Variants in MSRB2 observed in about 807,000 individuals in gnomAD.
The protein encoded by MSRB2 is methionine-R-sulfoxide reductase B2, mitochondrial.
In MSRB2, 17 loss-of-function variants were observed where a neutral mutation model predicts 19.0. That is an observed-to-expected ratio of 0.89 (90% CI 0.61 to 1.34). The LOEUF (loss-of-function observed/expected upper bound fraction) is 1.34. Among genes scored for constraint, MSRB2 ranks in the 40% most tolerant of loss-of-function variants. The pLI is 0.00. For synonymous variants in MSRB2, 107 were observed against 99.7 expected (o/e 1.07, Z -0.44); for missense variants, 208 against 237.6 (o/e 0.88, Z 0.82).
chr10:23,105,240 G>GTGTT (rs1229772708), intron 2 of MSRB2, among the ~76,000 whole-genome samples: 18 of 148,640 alleles, frequency 1.2e-4, no homozygotes, highest in Non-Finnish European at 1.5e-5. Flanking sequence ...GTGTGTGTGT[G>GTGTT]TGTATACAAG....
intron 3 of MSRB2, chr10:23,119,099 C>G: frequency 1.5e-6 from 1 of 685,010 alleles, no homozygotes; most frequent in Non-Finnish European, 2.7e-6. Context: ...TCAAGAAGTC[C>G]TTCCACTTCG....
At chr10:23,095,994 G>A (rs961794500) in intron 1 of MSRB2, among the ~76,000 whole-genome samples, 3 of 151,690 alleles carry the variant, frequency 2.0e-5, no homozygotes, top group Admixed American at 6.6e-5. Context: ...TTTTTTCTTG[G>A]CTCGGGGAGT....
intron 3 of MSRB2, among the ~76,000 whole-genome samples, chr10:23,117,813 A>T (rs1840129275): frequency 6.6e-6 from 1 of 152,044 alleles, no homozygotes; most frequent in South Asian, 2.1e-4. Context: ...CTGGTCTCGA[A>T]CTCCTGAGCT....
chr10:23,108,197 A>C (rs2131627325), intron 2 of MSRB2, among the ~76,000 whole-genome samples: 1 of 152,124 alleles, frequency 6.6e-6, no homozygotes, highest in Non-Finnish European at 1.5e-5. Flanking sequence ...ACCTCAGGTG[A>C]TCCACCCGCC....
At chr10:23,106,813 G>C (rs1839991910) in intron 2 of MSRB2, among the ~76,000 whole-genome samples, 1 of 152,212 alleles carries the variant, frequency 6.6e-6, no homozygotes, top group Admixed American at 6.5e-5. Context: ...CTCACTTGTG[G>C]ATTTCCATTG....
intron 2 of MSRB2, among the ~76,000 whole-genome samples, chr10:23,107,329 C>T (rs1839995692): frequency 6.6e-6 from 1 of 152,252 alleles, no homozygotes; most frequent in African/African-American, 2.4e-5. Flanking sequence ...CCTGGTCTCA[C>T]CTGCCTTCCG....
intron 1 of MSRB2, among the ~76,000 whole-genome samples, chr10:23,103,718 GT>G (rs1839953091): frequency 6.6e-6 from 1 of 152,166 alleles, no homozygotes; most frequent in African/African-American, 2.4e-5. Flanking sequence ...AGGGAGAAGA[GT>G]TTAATAACCG....
intron 2 of MSRB2, among the ~76,000 whole-genome samples, chr10:23,109,143 G>T (rs1396167931): frequency 6.6e-6 from 1 of 152,278 alleles, no homozygotes; most frequent in Non-Finnish European, 1.5e-5. Context: ...AGTGCCTGCC[G>T]CCAGGCCCTG....
intron 2 of MSRB2, among the ~76,000 whole-genome samples, chr10:23,107,668 G>A (rs1839998278): frequency 6.6e-6 from 1 of 152,152 alleles, no homozygotes; most frequent in African/African-American, 2.4e-5. Flanking sequence ...TCACCACATG[G>A]TATAAATTGT....
intron 3 of MSRB2, among the ~76,000 whole-genome samples, chr10:23,118,681 C>T (rs933927469): frequency 5.3e-5 from 8 of 152,178 alleles, no homozygotes; most frequent in Non-Finnish European, 1.0e-4. Flanking sequence ...CCGTGCTAAG[C>T]TTTATGTCAC....
chr10:23,117,046 T>C (rs1188783298), intron 3 of MSRB2, among the ~76,000 whole-genome samples: 1 of 152,242 alleles, frequency 6.6e-6, no homozygotes, highest in Non-Finnish European at 1.5e-5. Flanking sequence ...AAGGTTTTTC[T>C]GGAGTCCTCT....
At chr10:23,104,056 G>T in intron 1 of MSRB2, 88 bp from the exon 2 acceptor site, 1 of 993,382 alleles carries the variant, frequency 1.0e-6, no homozygotes. Context: ...TCTGCTGGGT[G>T]ACAGTACACT....
At chr10:23,108,527 G>T (rs993171165) in intron 2 of MSRB2, among the ~76,000 whole-genome samples, 2 of 148,414 alleles carry the variant, frequency 1.3e-5, no homozygotes. Flanking sequence ...CCAGGCTGGA[G>T]TGCAGTGGCA....
intron 3 of MSRB2, among the ~76,000 whole-genome samples, chr10:23,113,485 G>C (rs1374637170): frequency 6.6e-6 from 1 of 151,682 alleles, no homozygotes. Flanking sequence ...ATTTTATTTA[G>C]TTAAGGAGAT....
Position 23,119,441 on chromosome 10 carries a change from T to C in MSRB2, c.434T>C (p.Val145Ala). 1 of 1,613,288 alleles carries C rather than the reference T, an allele frequency of 6.2e-7. No individual in the cohort carries two copies. The highest frequency in any genetic ancestry group is 8.5e-7 in the Non-Finnish European group (1 of 1,179,448). The change falls in exon 4 of 5, where the codon GTC becomes GCC. Residue 145 changes from valine (V) to alanine (A), a missense_variant. By Grantham distance (64) the Val-to-Ala change is moderately conservative. Transcript: ENST00000376510. ...TTAGGATCAGCTCGCACAGAGGTTG[T>C]CTGCAAGCAGGTGAGGTTTCTCATT... ...TSLGSARTEV[V>A]CKQCEAHLGH...
intron 1 of MSRB2, among the ~76,000 whole-genome samples, chr10:23,097,530 C>A (rs1380597646): frequency 6.6e-6 from 1 of 152,172 alleles, no homozygotes; most frequent in Non-Finnish European, 1.5e-5. Flanking sequence ...ATGATCTAAT[C>A]TAAAACTAAT....
At chr10:23,097,364 C>T (rs1839880328) in intron 1 of MSRB2, among the ~76,000 whole-genome samples, 1 of 152,228 alleles carries the variant, frequency 6.6e-6, no homozygotes, top group Non-Finnish European at 1.5e-5. Flanking sequence ...CATTTTCTCA[C>T]AGTTCTGGAG....
chr10:23,102,147 GAC>G (rs1001346642), intron 1 of MSRB2, among the ~76,000 whole-genome samples: 19 of 152,216 alleles, frequency 1.2e-4, no homozygotes, highest in African/African-American at 4.3e-4. Context: ...CCAACACTGA[GAC>G]ACACACGCGC....
chr10:23,100,803 A>T (rs961405254), intron 1 of MSRB2, among the ~76,000 whole-genome samples: 1 of 152,188 alleles, frequency 6.6e-6, no homozygotes, highest in African/African-American at 2.4e-5. Context: ...GAGCCAAACC[A>T]TATCAGAGGC....
Sources: gnomAD v4.1 joint callset for allele counts (sites outside exome capture counted in the v4.1 genomes callset) on GRCh38, gnomAD v4.1.1 for gene constraint, MANE v1.5 for transcripts, NCBI Gene and HGNC (gene_info 2026-07-23, HGNC 2026-07-21) for gene names.